GHR: variants seen among roughly 807,000 people sequenced by gnomAD.
The protein encoded by GHR is GH receptor.
GHR carries 35 observed loss-of-function variants against 67.1 expected under a neutral mutation model. The observed-to-expected ratio is 0.52, with a 90% confidence interval of 0.40 to 0.69. The LOEUF (loss-of-function observed/expected upper bound fraction) is 0.69. GHR is among the 30% of genes least tolerant of loss of function. GHR has a pLI of 0.00. For synonymous variants in GHR, 272 were observed against 269.1 expected (o/e 1.01, Z -0.10); for missense variants, 792 against 764.6 (o/e 1.04, Z -0.42).
intron 2 of GHR, among the ~76,000 whole-genome samples, chr5:42,608,347 G>A (rs1317926724): frequency 6.6e-6 from 1 of 152,116 alleles, no homozygotes; most frequent in African/African-American, 2.4e-5. Flanking sequence ...GTAGTACAAA[G>A]TTAATCGCTC....
intron 3 of GHR, among the ~76,000 whole-genome samples, chr5:42,687,347 G>A (rs995856951): frequency 1.3e-5 from 2 of 152,176 alleles, no homozygotes; most frequent in Admixed American, 6.5e-5. Context: ...AACCAAAAAT[G>A]AGCCTGCATA....
intron 1 of GHR, among the ~76,000 whole-genome samples, chr5:42,476,409 C>G (rs1184749611): frequency 1.3e-5 from 2 of 151,556 alleles, no homozygotes; most frequent in Non-Finnish European, 2.9e-5. Context: ...TTAGTAGAGA[C>G]AGGGTTTCAC....
chr5:42,445,886 C>G (rs181221357), intron 1 of GHR, among the ~76,000 whole-genome samples: 80 of 152,228 alleles, frequency 5.3e-4, no homozygotes, highest in African/African-American at 1.4e-3. Flanking sequence ...GAATAACTGT[C>G]CAGTAGCTGG....
chr5:42,435,300 G>A (rs891366196), intron 1 of GHR, among the ~76,000 whole-genome samples: 7 of 152,102 alleles, frequency 4.6e-5, no homozygotes, highest in African/African-American at 1.2e-4. Flanking sequence ...CTCTGTCAAC[G>A]TGCCTGTATT....
chr5:42,710,978 T>C (rs1244998600), intron 6 of GHR, among the ~76,000 whole-genome samples: 1 of 152,220 alleles, frequency 6.6e-6, no homozygotes, highest in East Asian at 1.9e-4. Context: ...TAAGCAAGTC[T>C]ATCATATCTT....
At chr5:42,660,893 C>CATTCTAGAAG (rs1231248196) in intron 3 of GHR, among the ~76,000 whole-genome samples, 9 of 151,996 alleles carry the variant, frequency 5.9e-5, no homozygotes, top group Non-Finnish European at 1.3e-4. Context: ...CTAGAATAAC[C>CATTCTAGAAG]AATACAGAGA....
chr5:42,659,059 C>T (rs775099275), intron 3 of GHR: 1 of 152,028 alleles, frequency 6.6e-6, no homozygotes, highest in South Asian at 2.1e-4. Context: ...CAAATGAAGG[C>T]TTGGGGATCT....
At chr5:42,479,666 T>G (rs991306293) in intron 1 of GHR, among the ~76,000 whole-genome samples, 2 of 152,258 alleles carry the variant, frequency 1.3e-5, no homozygotes, top group Non-Finnish European at 2.9e-5. Flanking sequence ...TTCTAGTTTA[T>G]TTGCGTAAAG....
In GHR at chr5:42,424,296, G is replaced by A. The variant is rs1742745629; in HGVS notation, c.-12+341G>A. 6.6e-6 allele frequency among the ~76,000 whole-genome samples: 1 copy of A among 151,848 alleles called. No homozygotes were observed. Among genetic ancestry groups the A allele is most frequent in the South Asian group, 2.1e-4 (1 of 4,804 alleles). The stretch of plus-strand genomic sequence containing the variant: ...CACTCTGGCGTCTGCTCTGGCCCGC[G>A]AGTAGTGTACGTGGAGGGGTTTACT... On this transcript the variant is annotated intron_variant, in intron 1 of 9. Coordinates refer to ENST00000230882, the MANE Select transcript of GHR (RefSeq NM_000163.5). This position sits in a 1 kb window ranked among gnomAD's most constrained non-coding sequence, Gnocchi z 4.1.
intron 1 of GHR, among the ~76,000 whole-genome samples, chr5:42,494,678 C>G (rs1746247926): frequency 6.6e-6 from 1 of 152,128 alleles, no homozygotes. Flanking sequence ...AGAAAGTGTA[C>G]TTCCTGAATA....
chr5:42,477,241 A>G (rs1579778585), intron 1 of GHR, among the ~76,000 whole-genome samples: 1 of 152,012 alleles, frequency 6.6e-6, no homozygotes, highest in African/African-American at 2.4e-5. Flanking sequence ...ATAGTATTCC[A>G]TGGTGTATAT....
At chr5:42,697,288 A>G (rs1757719997) in intron 5 of GHR, among the ~76,000 whole-genome samples, 1 of 152,216 alleles carries the variant, frequency 6.6e-6, no homozygotes, top group Admixed American at 6.5e-5. Context: ...TCATTCAGCA[A>G]ATATTTATTA....
chr5:42,555,184 AGCACACTG>A, intron 1 of GHR, among the ~76,000 whole-genome samples: 1 of 152,184 alleles, frequency 6.6e-6, no homozygotes, highest in East Asian at 1.9e-4. Flanking sequence ...TCATGGAGAG[AGCACACTG>A]CATAGCTCTT....
chr5:42,451,820 G>C (rs1561310966), intron 1 of GHR, among the ~76,000 whole-genome samples: 3 of 151,768 alleles, frequency 2.0e-5, no homozygotes, highest in Non-Finnish European at 4.4e-5. Flanking sequence ...TGGGTCTCTT[G>C]ACAACAGCGG....
intron 3 of GHR, among the ~76,000 whole-genome samples, chr5:42,640,677 A>G (rs1167276203): frequency 6.6e-6 from 1 of 152,142 alleles, no homozygotes; most frequent in Non-Finnish European, 1.5e-5. Flanking sequence ...AGGCCTATAC[A>G]GCCAAATTTG....
intron 6 of GHR, among the ~76,000 whole-genome samples, chr5:42,708,096 A>ATGGT (rs1758269494): frequency 6.6e-6 from 1 of 152,110 alleles, no homozygotes; most frequent in African/African-American, 2.4e-5. Context: ...GGAATGGTTA[A>ATGGT]TTTAAATATA....
rs140550899 is a variant in GHR at position 42,591,928 on chromosome 5, G to A, written c.70+25984G>A. On this transcript the variant is annotated intron_variant, in intron 2 of 9. Transcript: ENST00000230882. ...TAGAGGACCAGCAGTCCAAAGGCCG[G>A]TCTCACTCCACTGTGCCCCTCTAAC... Among the ~76,000 whole-genome samples, 675 of 152,232 alleles carry A rather than the reference G, an allele frequency of 4.4e-3. 4 individuals carry two copies. The highest frequency in any genetic ancestry group is 6.8e-3 in the Middle Eastern group (2 of 294).
At chr5:42,667,820 G>A (rs764373498) in intron 3 of GHR, among the ~76,000 whole-genome samples, 2 of 152,196 alleles carry the variant, frequency 1.3e-5, no homozygotes, top group Non-Finnish European at 2.9e-5. Flanking sequence ...ATCATCCTCA[G>A]TATGTTTCCA....
In GHR at chr5:42,424,619, G is replaced by T. The variant is rs1473456139; in HGVS notation, c.-12+664G>T. ...CTGGGGTAAGTGGAAATTGTGGCGA[G>T]CCGACCTCCCCCAGCTTTTGACACA... On this transcript the variant is annotated intron_variant, in intron 1 of 9. Coordinates refer to ENST00000230882, the MANE Select transcript of GHR (RefSeq NM_000163.5). The surrounding 1 kb of genome is among the most constrained non-coding windows in gnomAD (Gnocchi z 4.1). 1.3e-6 allele frequency: 2 copies of T among 1,532,586 alleles called. No individual in the cohort carries two copies. Among genetic ancestry groups the T allele is most frequent in the Admixed American group, 2.0e-5 (1 of 50,996 alleles). The allele number at this position is 1,532,586 out of a possible 1,614,324, so 94.9% of individuals were successfully genotyped here.
Sources: allele counts gnomAD v4.1 joint callset (sites outside exome capture counted in the v4.1 genomes callset), GRCh38; gene constraint gnomAD v4.1.1; non-coding constraint Gnocchi (gnomAD v3.1); transcripts MANE v1.5; gene names NCBI Gene and HGNC (gene_info 2026-07-23, HGNC 2026-07-21).